The following SIK2 variants were observed in gnomAD, a reference collection of about 807,000 sequenced individuals.
SIK2 encodes serine/threonine-protein kinase SIK2.
Under a neutral mutation model 103.2 loss-of-function variants are expected in SIK2, and 29 were observed. That is an observed-to-expected ratio of 0.28 (90% CI 0.21 to 0.38). SIK2 has a LOEUF of 0.38. SIK2 is among the 10% of genes least tolerant of loss of function. SIK2 has a pLI of 1.00. For synonymous variants in SIK2, 412 were observed against 446.1 expected (o/e 0.92, Z 0.96); for missense variants, 879 against 1,171.0 (o/e 0.75, Z 3.64).
chr11:111,712,287 C>G lies in SIK2; in HGVS notation c.1178C>G (p.Ala393Gly). The G allele has an allele frequency of 6.2e-7, 1 of 1,614,244 alleles. No homozygotes were observed. The highest frequency in any genetic ancestry group is 8.5e-7 in the Non-Finnish European group (1 of 1,180,036). ...CTGCGATCTGCCCTCCTCCCCCAGG[C>G]ATCCAACGTGGAGGCCTTTTCATTT... ...RLLRSALLPQ[A>G]SNVEAFSFPA... is the part of the protein sequence containing the mutation. The change falls in exon 9 of 15, where the codon GCA (alanine) becomes GGA (glycine). Residue 393 changes from alanine (A) to glycine (G), a missense_variant. This residue lies in a region of SIK2 where 222 missense variants were observed against 258.0 expected (regional missense o/e 0.86). Coordinates refer to ENST00000304987, the MANE Select transcript of SIK2 (RefSeq NM_015191.3).
At chr11:111,617,850 GTA>G (rs1210026911) in intron 2 of SIK2, among the ~76,000 whole-genome samples, 291 of 150,396 alleles carry the variant, frequency 1.9e-3, no homozygotes, top group East Asian at 3.5e-3. Context: ...GTGTGTGTGT[GTA>G]TATATATATA....
chr11:111,708,791 T>G (rs1009186410), intron 8 of SIK2, among the ~76,000 whole-genome samples: 23 of 152,114 alleles, frequency 1.5e-4, no homozygotes, highest in Admixed American at 1.4e-3. Context: ...TCTTGCAATG[T>G]TGCCTAGGCT....
rs760355004 is a variant in SIK2, at chr11:111,721,016, C to T, written c.1898C>T (p.Ala633Val). ...GGACCGGAGGCAGACCCTAACCTGG[C>T]GCCGGCGGCTCCTCAGCTCCAGGAC... is the stretch of plus-strand genomic sequence containing the variant. The part of the protein sequence containing the change: ...QIGPEADPNL[A>V]PAAPQLQDLA... The change falls in exon 12 of 15, where the codon GCG (alanine) becomes GTG (valine). Residue 633 changes from alanine (A) to valine (V), a missense_variant. Ala to Val is a moderately conservative substitution (Grantham distance 64). Around this residue, in one of 7 missense-constraint regions of SIK2, gnomAD observed 375 missense variants for 416.3 expected, o/e 0.90. Transcript: ENST00000304987. The T allele has an allele frequency of 1.4e-5, 22 of 1,613,948 alleles. No individual in the cohort carries two copies. The highest frequency in any genetic ancestry group is 1.6e-4 in the Middle Eastern group (1 of 6,082).
At chr11:111,687,806 C>T (rs1384654845) in intron 3 of SIK2, among the ~76,000 whole-genome samples, 195 bp from the exon 4 acceptor site, 4 of 151,804 alleles carry the variant, frequency 2.6e-5, no homozygotes, top group African/African-American at 4.8e-5. Flanking sequence ...GGGGTTTCAC[C>T]GTGTTAGCCA....
chr11:111,708,788 A>G (rs954524376), intron 8 of SIK2, among the ~76,000 whole-genome samples: 2 of 151,940 alleles, frequency 1.3e-5, no homozygotes, highest in Non-Finnish European at 2.9e-5. Flanking sequence ...GGGTCTTGCA[A>G]TGTTGCCTAG....
chr11:111,710,643 G>A (rs766240996), intron 8 of SIK2, among the ~76,000 whole-genome samples: 1 of 152,294 alleles, frequency 6.6e-6, no homozygotes, highest in African/African-American at 2.4e-5. Context: ...GGGGAAAGGA[G>A]GAATTAATGT....
At chr11:111,620,990 A>G (rs1380645491) in intron 3 of SIK2, among the ~76,000 whole-genome samples, 1 of 152,234 alleles carries the variant, frequency 6.6e-6, no homozygotes, top group Admixed American at 6.5e-5. Flanking sequence ...TTCACCTAAA[A>G]TATCTGTTTA....
At chr11:111,608,080 A>T (rs1941671825) in intron 1 of SIK2, among the ~76,000 whole-genome samples, 1 of 152,174 alleles carries the variant, frequency 6.6e-6, no homozygotes, top group African/African-American at 2.4e-5. Context: ...GCTTTAATGT[A>T]CCTAGTACCT....
At chr11:111,625,340 G>A (rs1057058479) in intron 3 of SIK2, among the ~76,000 whole-genome samples, 1 of 152,148 alleles carries the variant, frequency 6.6e-6, no homozygotes, top group Non-Finnish European at 1.5e-5. Flanking sequence ...AGACCGGGGA[G>A]TAGCAGTACA....
chr11:111,714,112 G>C (rs1419452552), intron 9 of SIK2, among the ~76,000 whole-genome samples: 2 of 152,224 alleles, frequency 1.3e-5, no homozygotes, highest in Non-Finnish European at 2.9e-5. Flanking sequence ...ACCCAGGACA[G>C]GTGGCTGGAA....
At chr11:111,628,435 TTTCTTTC>T (rs1941991644) in intron 3 of SIK2, among the ~76,000 whole-genome samples, 3 of 148,692 alleles carry the variant, frequency 2.0e-5, no homozygotes, top group African/African-American at 7.3e-5. Flanking sequence ...TCTTTCTTTC[TTTCTTTC>T]TTTCTTTCTT....
chr11:111,638,557 C>A (rs1271773968), intron 3 of SIK2, among the ~76,000 whole-genome samples: 1 of 152,102 alleles, frequency 6.6e-6, no homozygotes, highest in Non-Finnish European at 1.5e-5. Context: ...GTCAGTTGAG[C>A]TGGTATTTCA....
chr11:111,603,853 G>A (rs1422509971), intron 1 of SIK2, among the ~76,000 whole-genome samples: 2 of 152,198 alleles, frequency 1.3e-5, no homozygotes, highest in Non-Finnish European at 2.9e-5. Flanking sequence ...GAGTTTGAGT[G>A]TAGAATAAAG....
chr11:111,667,519 TCTCA>T (rs1942562641), intron 3 of SIK2, among the ~76,000 whole-genome samples: 1 of 142,302 alleles, frequency 7.0e-6, no homozygotes, highest in South Asian at 2.3e-4. Context: ...TGAGTCAGGG[TCTCA>T]CTCTGTCGCC....
At chr11:111,619,985 A>G (rs553278460) in intron 2 of SIK2, among the ~76,000 whole-genome samples, 4 of 152,342 alleles carry the variant, frequency 2.6e-5, no homozygotes, top group South Asian at 2.1e-4. Context: ...TATATTATCT[A>G]TACTAGTACT....
intron 3 of SIK2, among the ~76,000 whole-genome samples, chr11:111,659,322 C>T (rs973195535): frequency 5.3e-5 from 8 of 152,086 alleles, no homozygotes; most frequent in Non-Finnish European, 1.0e-4. Context: ...TCATCTACCT[C>T]CCATGTTCTA....
chr11:111,686,333 C>T (rs1316965869), intron 3 of SIK2, among the ~76,000 whole-genome samples: 6 of 152,100 alleles, frequency 3.9e-5, no homozygotes, highest in South Asian at 4.2e-4. Context: ...CCCAGTTATT[C>T]GGGAGGCTGA....
At position 111,625,716 on chromosome 11, in the gene SIK2, T is replaced by C. The variant is rs547517134; in HGVS notation, c.316+5314T>C. 3.9e-5 allele frequency among the ~76,000 whole-genome samples: 6 copies of C among 152,252 alleles called. No homozygotes were observed. The East Asian group carries it at 5.8e-4, about 15-fold the overall frequency. On this transcript the variant is annotated intron_variant, in intron 3 of 14. Transcript: ENST00000304987. ...TGGAGTGACTGGGCCAAAAGCTAGATTGAAGGGGCTTACAGAGCAAATGAG... is the reference window on the plus strand; with the variant it reads ...TGGAGTGACTGGGCCAAAAGCTAGACTGAAGGGGCTTACAGAGCAAATGAG...
chr11:111,671,897 A>C (rs1591609614), intron 3 of SIK2: 1 of 428,644 alleles, frequency 2.3e-6, no homozygotes, highest in South Asian at 1.9e-5. Flanking sequence ...ACCAAGCTCC[A>C]CCTCCAGCTT....
Sources: allele counts gnomAD v4.1 joint callset (sites outside exome capture counted in the v4.1 genomes callset), GRCh38; gene constraint gnomAD v4.1.1; regional missense constraint gnomAD v4.1.1; transcripts MANE v1.5; gene names NCBI Gene and HGNC (gene_info 2026-07-23, HGNC 2026-07-21).